Variants in CADM1 observed in about 807,000 individuals in gnomAD.
CADM1 encodes the protein TSLC-1.
A neutral mutation model predicts 53.1 loss-of-function variants in CADM1; 15 were observed. That is an observed-to-expected ratio of 0.28 (90% confidence interval 0.19 to 0.44). The LOEUF is 0.44. Among genes scored for constraint, CADM1 ranks in the 20% least tolerant of loss-of-function variants. The probability of loss-of-function intolerance (pLI) is 1.00; values close to 1 mark genes in which losing one functional copy is unlikely to be tolerated. For missense variants in CADM1, 434 were observed against 611.3 expected (o/e 0.71, Z 3.06); for synonymous variants, 281 against 243.0 (o/e 1.16, Z -1.45).
chr11:115,222,447 G>T (rs1225421114), intron 5 of CADM1, among the ~76,000 whole-genome samples: 1 of 152,284 alleles, frequency 6.6e-6, no homozygotes, highest in East Asian at 1.9e-4. Flanking sequence ...TGAATGAACG[G>T]AGTCACACAG....
At chr11:115,295,547 T>A (rs1386318109) in intron 1 of CADM1, among the ~76,000 whole-genome samples, 2 of 58,460 alleles carry the variant, frequency 3.4e-5, no homozygotes, top group East Asian at 2.0e-3. Context: ...TATATATATA[T>A]ATAATATATA....
intron 8 of CADM1, among the ~76,000 whole-genome samples, chr11:115,205,384 C>T (rs1219282126): frequency 5.9e-5 from 9 of 152,098 alleles, no homozygotes; most frequent in African/African-American, 9.7e-5. Flanking sequence ...TTTATGTACA[C>T]CTAACACACA....
chr11:115,195,727 C>T (rs4938186), intron 9 of CADM1, among the ~76,000 whole-genome samples: 151,853 of 152,364 alleles, frequency 1, 75,673 homozygotes, highest in Non-Finnish European at 1. Flanking sequence ...ATTTCCACCA[C>T]GTTCTATTAC....
intron 1 of CADM1, among the ~76,000 whole-genome samples, chr11:115,260,188 C>A (rs1942929003): frequency 6.6e-6 from 1 of 152,162 alleles, no homozygotes; most frequent in African/African-American, 2.4e-5. Flanking sequence ...GCTTGGCTTC[C>A]CAAAGTGTTG....
chr11:115,198,363 C>G, intron 9 of CADM1, 43 bp downstream of exon 9: 1 of 1,525,198 alleles, frequency 6.6e-7, no homozygotes, highest in Non-Finnish European at 8.9e-7. Context: ...CCTTGCCTCT[C>G]AGCAGTGCTG....
intron 1 of CADM1, among the ~76,000 whole-genome samples, chr11:115,254,011 T>C (rs1942693245): frequency 6.6e-6 from 1 of 152,204 alleles, no homozygotes; most frequent in African/African-American, 2.4e-5. Context: ...ATGAAATACC[T>C]CCCTTGCTAG....
intron 1 of CADM1, among the ~76,000 whole-genome samples, chr11:115,253,731 T>TC (rs1942683476): frequency 6.6e-6 from 1 of 152,196 alleles, no homozygotes; most frequent in Non-Finnish European, 1.5e-5. Flanking sequence ...TTCCTACTTG[T>TC]CCTGTAGGAT....
At chr11:115,460,139 A>AGG (rs1208759430) in intron 1 of CADM1, among the ~76,000 whole-genome samples, 1 of 151,424 alleles carries the variant, frequency 6.6e-6, no homozygotes, top group Non-Finnish European at 1.5e-5. Flanking sequence ...CCCTCTCCTG[A>AGG]GGTTTAGGCT....
chr11:115,448,553 G>GT (rs143711425), intron 1 of CADM1, among the ~76,000 whole-genome samples: 12 of 150,400 alleles, frequency 8.0e-5, no homozygotes, highest in African/African-American at 2.9e-4. Context: ...AAATTAAGTA[G>GT]TAACCATTTT....
chr11:115,407,348 G>A (rs927869235), intron 1 of CADM1, among the ~76,000 whole-genome samples: 1 of 152,154 alleles, frequency 6.6e-6, no homozygotes, highest in Non-Finnish European at 1.5e-5. Flanking sequence ...GGTCTTTGAA[G>A]CTGAACCGCT....
intron 1 of CADM1, 51 bp from the exon 2 acceptor site, chr11:115,240,471 G>A: frequency 6.3e-7 from 1 of 1,586,692 alleles, no homozygotes; most frequent in Non-Finnish European, 8.6e-7. Flanking sequence ...CAATTAAAAT[G>A]TGATCAGTGG....
intron 1 of CADM1, among the ~76,000 whole-genome samples, chr11:115,273,392 T>C (rs1943358290): frequency 6.6e-6 from 1 of 152,214 alleles, no homozygotes; most frequent in Admixed American, 6.5e-5. Context: ...TTCGATTCTG[T>C]GCTACCTTTC....
chr11:115,438,397 C>A (rs924048138), intron 1 of CADM1, among the ~76,000 whole-genome samples: 1 of 152,080 alleles, frequency 6.6e-6, no homozygotes, highest in African/African-American at 2.4e-5. Flanking sequence ...GCGCACACTT[C>A]GGTTTGCTGC....
chr11:115,410,675 G>A (rs1243833636), intron 1 of CADM1, among the ~76,000 whole-genome samples: 2 of 152,054 alleles, frequency 1.3e-5, no homozygotes, highest in African/African-American at 4.8e-5. Flanking sequence ...AGCTAAGAAG[G>A]AAAGTAACCA....
intron 1 of CADM1, among the ~76,000 whole-genome samples, chr11:115,480,955 A>G (rs1332334745): frequency 6.6e-6 from 1 of 151,438 alleles, no homozygotes; most frequent in Admixed American, 6.6e-5. Context: ...GAGCCTCATC[A>G]TGGCCCTTGA....
chr11:115,179,466 A>G (rs561201395), intron 10 of CADM1, among the ~76,000 whole-genome samples: 1 of 152,334 alleles, frequency 6.6e-6, no homozygotes, highest in South Asian at 2.1e-4. Flanking sequence ...CTTTATAAGC[A>G]TCACCCCCTC....
intron 1 of CADM1, among the ~76,000 whole-genome samples, chr11:115,281,908 TTAAA>T (rs1214978023): frequency 6.7e-6 from 1 of 148,452 alleles, no homozygotes; most frequent in African/African-American, 2.5e-5. Context: ...AATCATGAGG[TTAAA>T]TAAATAACTG....
At chr11:115,355,512 G>A (rs1945843265) in intron 1 of CADM1, among the ~76,000 whole-genome samples, 1 of 151,976 alleles carries the variant, frequency 6.6e-6, no homozygotes, top group Non-Finnish European at 1.5e-5. Flanking sequence ...ATAACTATTG[G>A]GTACGAGGCT....
Position 115,176,382 on chromosome 11 carries a change from A to C in CADM1, c.*92T>G. The C allele has an allele frequency of 1.2e-6, 2 of 1,603,258 alleles. No homozygotes were observed. Among genetic ancestry groups the C allele is most frequent in the East Asian group, 2.3e-5 (1 of 44,236 alleles). On this transcript the variant is annotated 3_prime_UTR_variant, in exon 12 of 12. Transcript: ENST00000331581. ...ACACCTTTCCACCCATTCATAAAAA[A>C]ACACACGAATTTCTCGCAAGTTCCA...
Sources: gnomAD v4.1 joint callset for allele counts (sites outside exome capture counted in the v4.1 genomes callset) on GRCh38, gnomAD v4.1.1 for gene constraint, MANE v1.5 for transcripts, NCBI Gene and HGNC (gene_info 2026-07-23, HGNC 2026-07-21) for gene names.